Variants in TTC7A observed in about 807,000 individuals in gnomAD.
The protein encoded by TTC7A is tetratricopeptide repeat domain 7A, also known as tetratricopeptide repeat protein 7A.
In TTC7A, 110 loss-of-function variants were observed where a neutral mutation model predicts 103.7. That is an observed-to-expected ratio of 1.06 (90% CI 0.91 to 1.24). The LOEUF (loss-of-function observed/expected upper bound fraction) is 1.24, where lower values mean the gene tolerates loss of function less well. TTC7A is among the 50% of genes most tolerant of loss of function. The pLI is 0.00. For missense variants in TTC7A, 1,340 were observed against 1,116.3 expected, an observed-to-expected ratio of 1.20 and a Z score of -2.86; for synonymous variants, 521 against 467.9, an observed-to-expected ratio of 1.11 and a Z score of -1.47.
At position 46,978,893 on chromosome 2, in the gene TTC7A, A is replaced by G. The variant is rs1674145324; in HGVS notation, c.750A>G (p.Lys250=). 6.2e-7 allele frequency: 1 copy of G among 1,613,704 alleles called. No homozygotes were observed. The highest frequency in any genetic ancestry group is 2.2e-5 in the East Asian group (1 of 44,884). Residue 250 remains lysine, a synonymous_variant, in exon 5 of 20, where the codon AAA becomes AAG. Transcript: ENST00000319190. ...CTGCCCTCCAGAGCGCCTATGTGAA[A>G]AACCTGAAGAAGGGGTAGGTCACTG... ...LEAALQSAYV[K]NLKKGNIVKG... is the part of the protein sequence containing the mutation.
intron 15 of TTC7A, among the ~76,000 whole-genome samples, chr2:47,034,850 C>T (rs532067692): frequency 6.6e-6 from 1 of 152,284 alleles, no homozygotes; most frequent in Non-Finnish European, 1.5e-5. Flanking sequence ...GCTTTCAGAG[C>T]CCCGGAGACC....
chr2:46,934,787 CTTTTTTTTTTTTT>C (rs1161003607), intron 2 of TTC7A, among the ~76,000 whole-genome samples: 24 of 66,912 alleles, frequency 3.6e-4, no homozygotes, highest in Middle Eastern at 0.015. Flanking sequence ...GACTACTGCT[CTTTTTTTTTTTTT>C]TTTTTTTTTT....
chr2:47,021,425 T>TC (rs1375909033), intron 11 of TTC7A, among the ~76,000 whole-genome samples: 1 of 152,222 alleles, frequency 6.6e-6, no homozygotes, highest in African/African-American at 2.4e-5. Context: ...CAGGCCTTTT[T>TC]CCCCTGAAAG....
At chr2:46,983,708 C>G (rs1674718145) in intron 5 of TTC7A, among the ~76,000 whole-genome samples, 1 of 152,214 alleles carries the variant, frequency 6.6e-6, no homozygotes, top group African/African-American at 2.4e-5. Flanking sequence ...CAGCCATGCC[C>G]CTTCATTTGC....
chr2:47,050,054 C>T lies in TTC7A; in HGVS notation c.2017+8C>T, dbSNP rs367595962. On this transcript the variant is annotated splice_region_variant and intron_variant, in intron 17 of 19. Transcript: ENST00000319190. The stretch of plus-strand genomic sequence containing the variant: ...CCCATGATGCAGACTCTGGTAAGAA[C>T]GAGCTCCTTGGGCCACTGTGTGCAT... The T allele has an allele frequency of 4.5e-5, 73 of 1,610,672 alleles. No individual in the cohort carries two copies. The highest frequency in any genetic ancestry group is 5.6e-5 in the Non-Finnish European group (66 of 1,177,144).
In TTC7A at chr2:46,995,184, C is replaced by T. The variant is rs1676054612; in HGVS notation, c.1050C>T (p.Leu350=). 2 of 1,614,066 alleles carry T rather than the reference C, an allele frequency of 1.2e-6. No individual in the cohort carries two copies. Among genetic ancestry groups the T allele is most frequent in the Admixed American group, 1.7e-5 (1 of 60,004 alleles). The change falls in exon 8 of 20, where the codon CTC becomes CTT. Residue 350 remains leucine, a synonymous_variant. Coordinates refer to ENST00000319190, the MANE Select transcript of TTC7A (RefSeq NM_020458.4). ...TCGAGGAAGCCCTCCTGCTCCTCCT[C>T]ATCAGCGAATCCATGGTAAGCTCCA... ...DNIEEALLLL[L]ISESMATRDV...
At chr2:46,990,097 A>T (rs1029145807) in intron 5 of TTC7A, among the ~76,000 whole-genome samples, 5 of 152,356 alleles carry the variant, frequency 3.3e-5, no homozygotes, top group African/African-American at 9.6e-5. Context: ...CCCGGGGTCC[A>T]GCCCTCTTCA....
rs13406053 is a variant in TTC7A, at chr2:47,075,054, G to C, written c.*1131G>C. 6.6e-6 allele frequency: 1 copy of C among 152,244 alleles called. No homozygotes were observed. The highest frequency in any genetic ancestry group is 2.4e-5 in the African/African-American group (1 of 41,454). The allele number at this position is 152,244 out of a possible 1,614,324, so 9.4% of individuals were successfully genotyped here. A position where few individuals can be genotyped will look rare whatever the true frequency, so the allele number is the denominator to read the frequency against. ...CCATCAGGTACAGCTTGCATTTCAG[G>C]ATGTGTGGAAAGCTCGGGTGAGGGC... is the stretch of plus-strand genomic sequence containing the variant. On this transcript the variant is annotated 3_prime_UTR_variant, in exon 20 of 20. Coordinates refer to ENST00000319190, the MANE Select transcript of TTC7A (RefSeq NM_020458.4).
At chr2:46,959,271 G>A (rs1672171080) in intron 3 of TTC7A, among the ~76,000 whole-genome samples, 1 of 152,346 alleles carries the variant, frequency 6.6e-6, no homozygotes, top group African/African-American at 2.4e-5. Flanking sequence ...TTCCCAGGCA[G>A]CCCCTCGGTC....
intron 11 of TTC7A, among the ~76,000 whole-genome samples, chr2:47,019,543 C>G (rs1679054237): frequency 6.6e-6 from 1 of 152,124 alleles, no homozygotes; most frequent in Admixed American, 6.5e-5. Context: ...TGCTACTAAT[C>G]TCGGGGTCAG....
chr2:46,955,872 C>T (rs1671812077), intron 2 of TTC7A, among the ~76,000 whole-genome samples: 1 of 152,194 alleles, frequency 6.6e-6, no homozygotes, highest in South Asian at 2.1e-4. Context: ...CAGATTGGTG[C>T]CTGTGTGGCG....
chr2:46,945,680 C>T (rs917628449), intron 1 of TTC7A, among the ~76,000 whole-genome samples: 15 of 152,324 alleles, frequency 9.8e-5, no homozygotes, highest in East Asian at 9.6e-4. Flanking sequence ...TGTGAGCCAC[C>T]GTGCCCGGTC....
intron 19 of TTC7A, among the ~76,000 whole-genome samples, chr2:47,070,254 C>T (rs1304240412): frequency 2.0e-5 from 3 of 152,268 alleles, no homozygotes; most frequent in East Asian, 3.8e-4. Context: ...CTGCAGATGA[C>T]CTGGGTCCCA....
At chr2:46,952,694 G>GT (rs1449802620) in intron 2 of TTC7A, among the ~76,000 whole-genome samples, 3 of 152,198 alleles carry the variant, frequency 2.0e-5, no homozygotes, top group Admixed American at 6.5e-5. Flanking sequence ...TGGGGCTGCA[G>GT]TGAGTTGTGT....
chr2:47,061,452 G>A (rs144194948), intron 19 of TTC7A, among the ~76,000 whole-genome samples: 16 of 152,258 alleles, frequency 1.1e-4, no homozygotes, highest in African/African-American at 3.6e-4. Context: ...TTTCTGGGGT[G>A]GGCTGTCATG....
At chr2:46,961,682 A>G (rs376121162) in intron 3 of TTC7A, among the ~76,000 whole-genome samples, 8 of 152,136 alleles carry the variant, frequency 5.3e-5, no homozygotes, top group African/African-American at 1.9e-4. Flanking sequence ...AGGCGGGTGG[A>G]TGACTTGAGG....
intron 19 of TTC7A, among the ~76,000 whole-genome samples, chr2:47,063,347 G>A (rs1285623249): frequency 6.6e-6 from 1 of 152,214 alleles, no homozygotes; most frequent in East Asian, 1.9e-4. Context: ...GCACAGCATG[G>A]AGTATCTCAC....
chr2:47,035,868 C>T (rs1390106441), intron 15 of TTC7A, among the ~76,000 whole-genome samples: 1 of 152,168 alleles, frequency 6.6e-6, no homozygotes. Flanking sequence ...GCTGACCTCT[C>T]CTCTGCAGTG....
intron 18 of TTC7A, among the ~76,000 whole-genome samples, chr2:47,055,470 G>T (rs941874576): frequency 1.3e-5 from 2 of 152,148 alleles, no homozygotes; most frequent in African/African-American, 2.4e-5. Flanking sequence ...TGGGCAGCGG[G>T]TCTGTGTGAG....
Sources: allele counts gnomAD v4.1 joint callset (sites outside exome capture counted in the v4.1 genomes callset), GRCh38; gene constraint gnomAD v4.1.1; transcripts MANE v1.5; gene names NCBI Gene and HGNC (gene_info 2026-07-23, HGNC 2026-07-21).